Variants in IPO8 observed in about 807,000 individuals in gnomAD.
IPO8 encodes importin 8, also known as importin-8.
IPO8 carries 65 observed loss-of-function variants against 141.2 expected under a neutral mutation model. The ratio of observed to expected loss-of-function variants is 0.46; its 90% CI spans 0.38 to 0.57. IPO8 has a LOEUF of 0.57. Among genes scored for constraint, IPO8 ranks in the 20% least tolerant of loss-of-function variants. IPO8 has a pLI of 0.00. For missense variants in IPO8, 980 were observed against 1,246.8 expected (o/e 0.79, Z 3.22); for synonymous variants, 411 against 420.3 (o/e 0.98, Z 0.27).
intron 13 of IPO8, among the ~76,000 whole-genome samples, chr12:30,664,280 G>T (rs1305937707): frequency 6.6e-6 from 1 of 152,108 alleles, no homozygotes; most frequent in Non-Finnish European, 1.5e-5. Context: ...TGTGCCCTCA[G>T]CGTCCCTAGT....
chr12:30,634,464 A>T (rs2052475555), intron 22 of IPO8, among the ~76,000 whole-genome samples, 178 bp from the exon 23 acceptor site: 1 of 152,142 alleles, frequency 6.6e-6, no homozygotes, highest in South Asian at 2.1e-4. Context: ...AAATAAAAAT[A>T]AAAAATAAAA....
chr12:30,677,140 A>G (rs1346097441), intron 5 of IPO8: 2 of 1,383,190 alleles, frequency 1.4e-6, no homozygotes, highest in South Asian at 1.2e-5. Flanking sequence ...AAGATAGACA[A>G]TCTTTGCCCT....
chr12:30,657,705 C>T (rs2052820130), intron 16 of IPO8, among the ~76,000 whole-genome samples: 1 of 152,010 alleles, frequency 6.6e-6, no homozygotes, highest in African/African-American at 2.4e-5. Flanking sequence ...ACACATCATA[C>T]AAGGGAATAT....
At chr12:30,645,957 C>A (rs1011068122) in intron 20 of IPO8, among the ~76,000 whole-genome samples, 1 of 151,996 alleles carries the variant, frequency 6.6e-6, no homozygotes, top group East Asian at 1.9e-4. Flanking sequence ...AAGAGCAATT[C>A]TTCACAACTC....
chr12:30,666,332 C>T, intron 10 of IPO8, 81 bp from the exon 11 acceptor site: 1 of 1,010,440 alleles, frequency 9.9e-7, no homozygotes. Flanking sequence ...GACCGCTATT[C>T]CAAACCAAAA....
chr12:30,665,196 A>G (rs1308326630), intron 13 of IPO8, 24 bp downstream of exon 13: 3 of 1,217,420 alleles, frequency 2.5e-6, no homozygotes, highest in South Asian at 1.3e-5. Flanking sequence ...TTTAAGATAC[A>G]TAACAGAAAT....
At chr12:30,679,022 A>G (rs1033944609) in intron 5 of IPO8, among the ~76,000 whole-genome samples, 1 of 152,106 alleles carries the variant, frequency 6.6e-6, no homozygotes, top group Admixed American at 6.5e-5. Flanking sequence ...GTATTTTTCT[A>G]GAGATGGGGT....
intron 2 of IPO8, among the ~76,000 whole-genome samples, chr12:30,688,094 T>G (rs969589346): frequency 6.6e-6 from 1 of 152,030 alleles, no homozygotes; most frequent in Admixed American, 6.5e-5. Context: ...TTAGAGAAAT[T>G]TTACTAAAGA....
intron 23 of IPO8, among the ~76,000 whole-genome samples, chr12:30,632,509 CT>C (rs778326151): frequency 2.5e-4 from 38 of 152,236 alleles, no homozygotes; most frequent in Admixed American, 1.8e-3. Context: ...AACCTTCTAT[CT>C]CTCCATTTAT....
chr12:30,675,469 T>G (rs1039612078), intron 6 of IPO8, among the ~76,000 whole-genome samples: 2 of 152,220 alleles, frequency 1.3e-5, no homozygotes, highest in South Asian at 4.1e-4. Flanking sequence ...TTTAAGTACA[T>G]TCTTAAGAGT....
rs989438020 is a variant in IPO8, at chr12:30,631,759, C to T, written c.3016+136G>A. The stretch of plus-strand genomic sequence containing the variant: ...GATTAAAACAATCATACAATAATGA[C>T]AATTCCTTATTATCTTAAAGGGTAA... On this transcript the variant is annotated intron_variant, in intron 24 of 24. Coordinates refer to ENST00000256079, the MANE Select transcript of IPO8 (RefSeq NM_006390.4). 1.1e-5 allele frequency: 7 copies of T among 632,760 alleles called. No homozygotes were observed. In the Middle Eastern group the frequency reaches 1.8e-3, roughly 166 times the overall value. 39.2% of individuals were successfully genotyped at this position (632,760 alleles called of 1,614,324 possible).
intron 17 of IPO8, 49 bp from the exon 18 acceptor site, chr12:30,653,141 T>C (rs1269158619): frequency 6.4e-7 from 1 of 1,560,770 alleles, no homozygotes; most frequent in South Asian, 1.1e-5. Flanking sequence ...TAGCAAAAGT[T>C]AAAACAAAGA....
chr12:30,638,330 T>G (rs1484522089), intron 21 of IPO8, among the ~76,000 whole-genome samples: 1 of 152,182 alleles, frequency 6.6e-6, no homozygotes, highest in Non-Finnish European at 1.5e-5. Context: ...CAAATCTCAA[T>G]CAGGGATTAA....
chr12:30,635,722 T>TGGG (rs1353019799), intron 22 of IPO8, among the ~76,000 whole-genome samples: 4 of 152,092 alleles, frequency 2.6e-5, no homozygotes, highest in Non-Finnish European at 4.4e-5. Context: ...GCAGGTAGAT[T>TGGG]GAACTAGGTA....
intron 16 of IPO8, among the ~76,000 whole-genome samples, chr12:30,659,654 C>A (rs9804881): frequency 0.55 from 82,636 of 151,116 alleles, 23,188 homozygotes; most frequent in African/African-American, 0.67. Flanking sequence ...GATCGAGACC[C>A]TCCTGGCTAA....
rs1393216268 is a variant in IPO8, at chr12:30,631,765, C to T, written c.3016+130G>A. ...AACAATCATACAATAATGACAATTCCTTATTATCTTAAAGGGTAAGTCTCT... is the reference window on the plus strand; with the variant it reads ...AACAATCATACAATAATGACAATTCTTTATTATCTTAAAGGGTAAGTCTCT... On this transcript the variant is annotated intron_variant, in intron 24 of 24. Coordinates refer to ENST00000256079, the MANE Select transcript of IPO8 (RefSeq NM_006390.4). The T allele has an allele frequency of 9.4e-6, 6 of 637,292 alleles. No individual in the cohort carries two copies. The African/African-American group carries it at 1.1e-4, about 12-fold the overall frequency. 39.5% of individuals were successfully genotyped at this position (637,292 alleles called of 1,614,324 possible).
intron 5 of IPO8, chr12:30,677,058 G>T: frequency 6.6e-7 from 1 of 1,521,654 alleles, no homozygotes; most frequent in Non-Finnish European, 8.8e-7. Context: ...CTGCTGTACT[G>T]TGAGTTGCAG....
chr12:30,653,348 A>G (rs533243172), intron 17 of IPO8, among the ~76,000 whole-genome samples: 1 of 152,162 alleles, frequency 6.6e-6, no homozygotes, highest in South Asian at 2.1e-4. Context: ...ACTATTGAAA[A>G]AATAAAGTTT....
chr12:30,668,450 T>C (rs2052999989), intron 10 of IPO8, among the ~76,000 whole-genome samples: 1 of 152,174 alleles, frequency 6.6e-6, no homozygotes, highest in Non-Finnish European at 1.5e-5. Flanking sequence ...CAACATGTAT[T>C]GAAGGCATAC....
Sources: gnomAD v4.1 joint callset for allele counts (sites outside exome capture counted in the v4.1 genomes callset) on GRCh38, gnomAD v4.1.1 for gene constraint, MANE v1.5 for transcripts, NCBI Gene and HGNC (gene_info 2026-07-23, HGNC 2026-07-21) for gene names.